The following INTS9 variants were observed in gnomAD, a reference collection of about 807,000 sequenced individuals.
INTS9 encodes integrator complex subunit 9, also known as protein related to CPSF subunits of 74 kDa.
Under a neutral mutation model 79.7 loss-of-function variants are expected in INTS9, and 55 were observed. That is an observed-to-expected ratio of 0.69 (90% CI 0.56 to 0.86). INTS9 has a LOEUF of 0.86. Among genes scored for constraint, INTS9 ranks in the 40% least tolerant of loss-of-function variants. INTS9 has a pLI of 0.00. For missense variants in INTS9, 721 were observed against 831.5 expected, an observed-to-expected ratio of 0.87 and a Z score of 1.64; for synonymous variants, 319 against 325.2, an observed-to-expected ratio of 0.98 and a Z score of 0.20.
chr8:28,829,934 G>A (rs1241806426), intron 6 of INTS9, among the ~76,000 whole-genome samples: 3 of 152,002 alleles, frequency 2.0e-5, no homozygotes, highest in African/African-American at 7.3e-5. Flanking sequence ...TGTGGTCACC[G>A]GTCCACATTT....
Position 28,771,092 on chromosome 8 carries a change from G to A in INTS9, c.1564-12C>T, listed in dbSNP as rs955418533. 1 of 1,591,924 alleles carries A rather than the reference G, an allele frequency of 6.3e-7. No homozygotes were observed. The highest frequency in any genetic ancestry group is 1.3e-5 in the African/African-American group (1 of 74,268). ...AGTGAATCTGCGAGCTGAAAGCAAAGGGCGCAGTTCAGGCTGGGGGCCTTT... is the reference window on the plus strand; with the variant it reads ...AGTGAATCTGCGAGCTGAAAGCAAAAGGCGCAGTTCAGGCTGGGGGCCTTT... On this transcript the variant is annotated splice_polypyrimidine_tract_variant and intron_variant, in intron 14 of 16. Transcript: ENST00000521022.
At chr8:28,884,938 C>T (rs1177476210) in intron 1 of INTS9, among the ~76,000 whole-genome samples, 2 of 152,122 alleles carry the variant, frequency 1.3e-5, no homozygotes, top group African/African-American at 2.4e-5. Flanking sequence ...AGGAAGAATC[C>T]AACACTCTCA....
intron 1 of INTS9, among the ~76,000 whole-genome samples, chr8:28,881,143 C>CCCGG (rs1809751333): frequency 6.9e-6 from 1 of 145,232 alleles, no homozygotes; most frequent in African/African-American, 2.6e-5. Context: ...CAGCCCCCCG[C>CCCGG]CCGGCTGGCC....
At chr8:28,861,019 T>C (rs534583734) in intron 1 of INTS9, among the ~76,000 whole-genome samples, 9 of 152,256 alleles carry the variant, frequency 5.9e-5, no homozygotes, top group Non-Finnish European at 7.3e-5. Flanking sequence ...AGTTGTATTT[T>C]GCAAGCTGCT....
chr8:28,816,417 T>G (rs1392139660), intron 6 of INTS9, among the ~76,000 whole-genome samples: 1 of 151,240 alleles, frequency 6.6e-6, no homozygotes, highest in Non-Finnish European at 1.5e-5. Flanking sequence ...GTTTTTTTGT[T>G]CTTGCGATAG....
chr8:28,785,792 T>C (rs536315313), intron 11 of INTS9, among the ~76,000 whole-genome samples: 1 of 152,286 alleles, frequency 6.6e-6, no homozygotes, highest in East Asian at 1.9e-4. Context: ...CACAAGTGGA[T>C]TTCTTTCTGT....
chr8:28,771,905 G>A (rs1350702573), intron 14 of INTS9, among the ~76,000 whole-genome samples: 1 of 152,142 alleles, frequency 6.6e-6, no homozygotes, highest in Non-Finnish European at 1.5e-5. Flanking sequence ...CTGCTGCCCA[G>A]GCTGGAGTGT....
At chr8:28,855,588 G>A (rs557489384) in intron 2 of INTS9, among the ~76,000 whole-genome samples, 62 of 152,240 alleles carry the variant, frequency 4.1e-4, no homozygotes, top group African/African-American at 1.2e-3. Context: ...CATAAAAGAC[G>A]GACTGGGAAA....
intron 1 of INTS9, among the ~76,000 whole-genome samples, chr8:28,879,673 C>A (rs566118702): frequency 6.6e-6 from 1 of 152,152 alleles, no homozygotes; most frequent in Non-Finnish European, 1.5e-5. Context: ...AAATGTCCAT[C>A]ACCTGGTGCA....
chr8:28,802,016 G>A (rs989209212), intron 8 of INTS9, among the ~76,000 whole-genome samples: 4 of 152,182 alleles, frequency 2.6e-5, no homozygotes, highest in Non-Finnish European at 4.4e-5. Context: ...AATTGTGCCA[G>A]CTCTAGGAGA....
chr8:28,770,846 T>A, intron 15 of INTS9, 136 bp downstream of exon 15: 1 of 698,346 alleles, frequency 1.4e-6, no homozygotes, highest in Non-Finnish European at 2.4e-6. Flanking sequence ...CACAGCAGCC[T>A]CTCTGAGGCA....
At chr8:28,881,732 C>T (rs1404323186) in intron 1 of INTS9, among the ~76,000 whole-genome samples, 318 of 143,040 alleles carry the variant, frequency 2.2e-3, no homozygotes, top group African/African-American at 7.6e-3. Flanking sequence ...TCCGGCCGGC[C>T]GCCCCGTCCG....
intron 1 of INTS9, among the ~76,000 whole-genome samples, chr8:28,865,924 C>G (rs374142682): frequency 1.2e-3 from 182 of 152,132 alleles, no homozygotes; most frequent in African/African-American, 3.9e-3. Flanking sequence ...TTTACTCCCC[C>G]CTCCCTGTGA....
intron 12 of INTS9, among the ~76,000 whole-genome samples, chr8:28,780,053 G>GTTTTTTTTTT (rs66631307): frequency 7.3e-6 from 1 of 137,124 alleles, no homozygotes; most frequent in African/African-American, 2.7e-5. Flanking sequence ...TCAAATCAAG[G>GTTTTTTTTTT]TTTTTTTTTT....
chr8:28,779,425 G>C lies in INTS9; in HGVS notation c.1270+1398C>G, dbSNP rs561447147. Among the ~76,000 whole-genome samples, 3 of 152,222 alleles carry C rather than the reference G, an allele frequency of 2.0e-5. No homozygotes were observed. The East Asian group carries it at 5.8e-4, about 29-fold the overall frequency. ...CCTGCTGTGTGAACGCAACTTCCTG[G>C]AACACCAACACCTTGTCTGACAATG... On this transcript the variant is annotated intron_variant, in intron 12 of 16. Transcript: ENST00000521022.
At chr8:28,776,236 G>T (rs188070058) in intron 13 of INTS9, 132 of 254,012 alleles carry the variant, frequency 5.2e-4, no homozygotes, top group African/African-American at 2.8e-3. Flanking sequence ...CTCGGGGCAC[G>T]GTCTTTCTCT....
rs1047801850 is a variant in INTS9 at position 28,835,322 on chromosome 8, G to A, written c.458C>T (p.Ala153Val). 6.2e-7 allele frequency: 1 copy of A among 1,613,672 alleles called. No homozygotes were observed. Among genetic ancestry groups the A allele is most frequent in the Non-Finnish European group, 8.5e-7 (1 of 1,179,710 alleles). ...FIERVPKAQS[A>V]SLWKNKDIQR... is the part of the protein sequence containing the mutation. ...AATGTCCTTATTCTTCCACAAGGAG[G>A]CAGACTGAGCCTTTGGCACTCTTTC... The change falls in exon 6 of 17, where the codon GCC becomes GTC. Residue 153 changes from alanine to valine, a missense_variant. This residue lies in a region of INTS9 where 291 missense variants were observed against 307.0 expected (regional missense o/e 0.95). Transcript: ENST00000521022.
At chr8:28,889,044 G>A (rs1375003276) in intron 1 of INTS9, among the ~76,000 whole-genome samples, 1 of 152,070 alleles carries the variant, frequency 6.6e-6, no homozygotes, top group Non-Finnish European at 1.5e-5. Flanking sequence ...CAATAACTTG[G>A]CTGCACAAAT....
chr8:28,860,722 G>A (rs1227562401), intron 1 of INTS9, among the ~76,000 whole-genome samples: 7 of 152,132 alleles, frequency 4.6e-5, no homozygotes, highest in Non-Finnish European at 8.8e-5. Flanking sequence ...CAAGTGATCC[G>A]CCCGCCTCCT....
Sources: gnomAD v4.1 joint callset for allele counts (sites outside exome capture counted in the v4.1 genomes callset) on GRCh38, gnomAD v4.1.1 for gene constraint, gnomAD v4.1.1 regional missense constraint, MANE v1.5 for transcripts, NCBI Gene and HGNC (gene_info 2026-07-23, HGNC 2026-07-21) for gene names.